RNF14: variants seen among roughly 807,000 people sequenced by gnomAD.
RNF14 encodes the protein E3 ubiquitin-protein ligase RNF14.
In RNF14, 26 loss-of-function variants were observed where a neutral mutation model predicts 52.6. The observed-to-expected ratio is 0.49, with a 90% CI of 0.36 to 0.69. The LOEUF (loss-of-function observed/expected upper bound fraction) is 0.69. RNF14 is among the 30% of genes least tolerant of loss of function. The pLI is 0.00. For missense variants in RNF14, 404 were observed against 560.4 expected (o/e 0.72, Z 2.82); for synonymous variants, 194 against 202.0 (o/e 0.96, Z 0.34).
intron 1 of RNF14, chr5:141,958,553 C>G (rs2126932559): frequency 6.6e-6 from 1 of 152,582 alleles, no homozygotes; most frequent in Middle Eastern, 3.4e-3. Flanking sequence ...CATTGTTCCC[C>G]TCTCATTCCT....
chr5:141,951,894 G>T, the RNF14 span, among the ~76,000 whole-genome samples: 1 of 152,196 alleles, frequency 6.6e-6, no homozygotes, highest in Non-Finnish European at 1.5e-5. Flanking sequence ...GAGAGATGGG[G>T]TGAAAAAGGC....
chr5:141,956,898 G>A (rs148884293), upstream of RNF14: 40 of 1,614,166 alleles, frequency 2.5e-5, no homozygotes, highest in Admixed American at 3.3e-5. Flanking sequence ...CATCCACCTC[G>A]TAGGCAGGGT....
In RNF14 at chr5:141,978,629, A is replaced by G. The variant is rs1274747263; in HGVS notation, c.633A>G (p.Lys211=). 6.2e-7 allele frequency: 1 copy of G among 1,614,018 alleles called. No homozygotes were observed. The highest frequency in any genetic ancestry group is 1.7e-5 in the Admixed American group (1 of 60,022). Residue 211 remains lysine, a synonymous_variant, in exon 5 of 9, where the codon AAA becomes AAG. Transcript: ENST00000394520. ...ACTTTGATCAAGCTCAGCAGATAAA[A>G]TGCTTTAATAGTAAATTGTTCCTGT... ...ILDFDQAQQI[K]CFNSKLFLCS...
chr5:141,979,887 C>A (rs1383051658), intron 5 of RNF14, among the ~76,000 whole-genome samples: 1 of 152,176 alleles, frequency 6.6e-6, no homozygotes, highest in Non-Finnish European at 1.5e-5. Context: ...AAGACCCCAT[C>A]TCTAAAGAAA....
chr5:141,971,569 TTCTTTCTTTC>T (rs1561544484), intron 2 of RNF14, among the ~76,000 whole-genome samples: 2 of 4,158 alleles, frequency 4.8e-4, no homozygotes, highest in Admixed American at 2.0e-3. Flanking sequence ...TTCTTTTTCT[TTCTTTCTTTC>T]TTTCTTTCTT....
upstream of RNF14, chr5:141,955,556 G>A: frequency 6.2e-7 from 1 of 1,614,188 alleles, no homozygotes; most frequent in South Asian, 1.1e-5. This position sits in a 1 kb window ranked among gnomAD's most constrained non-coding sequence, Gnocchi z 5.5. Flanking sequence ...TGTTTCTGGG[G>A]CCTCTTGGGC....
chr5:141,987,714 C>A lies in RNF14; in HGVS notation c.1368-19C>A. 6.2e-7 allele frequency: 1 copy of A among 1,612,750 alleles called. No individual in the cohort carries two copies. Among genetic ancestry groups the A allele is most frequent in the Non-Finnish European group, 8.5e-7 (1 of 1,178,830 alleles). On this transcript the variant is annotated intron_variant, in intron 8 of 8. Transcript: ENST00000394520. ...TTTCGTTCAAGTGTATAAAAATGTA[C>A]CTTTTTTAATGCTTCCAGGCTGTTT...
At chr5:141,975,027 T>A in intron 4 of RNF14, 72 bp downstream of exon 4, 7 of 1,492,342 alleles carry the variant, frequency 4.7e-6, no homozygotes, top group Non-Finnish European at 6.4e-6. Flanking sequence ...GAAGACTATC[T>A]TAAAGATCTT....
chr5:141,957,826 AGCAGAAGTT>A (rs750356729), upstream of RNF14: 7 of 1,600,444 alleles, frequency 4.4e-6, no homozygotes, highest in Non-Finnish European at 5.1e-6. The surrounding 1 kb of genome is among the most constrained non-coding windows in gnomAD (Gnocchi z 4.3). Context: ...CAAAAGCCCC[AGCAGAAGTT>A]GCAGAAGTTG....
At chr5:141,972,887 G>A (rs1286067169) in intron 2 of RNF14, among the ~76,000 whole-genome samples, 1 of 152,178 alleles carries the variant, frequency 6.6e-6, no homozygotes, top group African/African-American at 2.4e-5. Flanking sequence ...CACCGCGCCT[G>A]GCAAATTAAC....
At chr5:141,976,364 C>T (rs1364652762) in intron 4 of RNF14, among the ~76,000 whole-genome samples, 1 of 152,184 alleles carries the variant, frequency 6.6e-6, no homozygotes, top group Non-Finnish European at 1.5e-5. Flanking sequence ...TAACTGGATG[C>T]GTGGTTGTGG....
chr5:141,963,775 G>A (rs775716799), upstream of RNF14, among the ~76,000 whole-genome samples: 2 of 151,806 alleles, frequency 1.3e-5, no homozygotes, highest in Admixed American at 6.6e-5. Flanking sequence ...GAATCTAATC[G>A]GCCTAATTCT....
intron 7 of RNF14, among the ~76,000 whole-genome samples, chr5:141,984,509 TTTAATA>T (rs1277798988): frequency 6.6e-6 from 1 of 152,206 alleles, no homozygotes; most frequent in Non-Finnish European, 1.5e-5. Flanking sequence ...ATCCAAACAT[TTTAATA>T]TTAATCTAAC....
At chr5:141,974,682 C>A in intron 3 of RNF14, 122 bp from the exon 4 acceptor site, 5 of 899,502 alleles carry the variant, frequency 5.6e-6, no homozygotes, top group Non-Finnish European at 6.7e-6. Context: ...ATAGAAAGTG[C>A]TTTGGGGGAG....
chr5:141,987,865 G>A lies in RNF14; in HGVS notation c.*75G>A. On this transcript the variant is annotated 3_prime_UTR_variant, in exon 9 of 9. Coordinates refer to ENST00000394520, the MANE Select transcript of RNF14 (RefSeq NM_004290.5). ...GTCAAGTACACAAAGTAACTTTGCG[G>A]GATATTTAGGGTACTATTCATTCAC... 1 of 1,337,738 alleles carries A rather than the reference G, an allele frequency of 7.5e-7. No homozygotes were observed. The highest frequency in any genetic ancestry group is 1.1e-6 in the Non-Finnish European group (1 of 930,278). 82.9% of individuals were successfully genotyped at this position (1,337,738 alleles called of 1,614,324 possible).
intron 6 of RNF14, chr5:141,981,753 T>A (rs1754800125): frequency 6.6e-6 from 1 of 151,570 alleles, no homozygotes; most frequent in Non-Finnish European, 1.5e-5. Context: ...CTCAGGTTGC[T>A]GAGGCGGGAG....
intron 6 of RNF14, among the ~76,000 whole-genome samples, chr5:141,980,809 A>G (rs1754700610): frequency 6.6e-6 from 1 of 152,170 alleles, no homozygotes; most frequent in Non-Finnish European, 1.5e-5. Context: ...ATATACAAAC[A>G]TGGAATAATG....
In RNF14 at chr5:141,974,709, A is replaced by G. The variant is rs916885271; in HGVS notation, c.155-95A>G. 8 of 1,201,452 alleles carry G rather than the reference A, an allele frequency of 6.7e-6. No homozygotes were observed. In the African/African-American group the frequency reaches 7.9e-5, roughly 12 times the overall value. The allele number at this position is 1,201,452 out of a possible 1,614,324, so 74.4% of individuals were successfully genotyped here. On this transcript the variant is annotated intron_variant, in intron 3 of 8. Coordinates refer to ENST00000394520, the MANE Select transcript of RNF14 (RefSeq NM_004290.5). The stretch of plus-strand genomic sequence containing the variant: ...TTGGGGGAGGGTTTTTATTCCCTCA[A>G]CTAAAGCATTAAGTCTTTCTTGAGC...
At chr5:141,985,068 T>G in intron 8 of RNF14, 135 bp downstream of exon 8, 1 of 816,602 alleles carries the variant, frequency 1.2e-6, no homozygotes, top group Non-Finnish European at 1.9e-6. Context: ...TATAAAGGAA[T>G]TTTCATATTA....
Sources: allele counts gnomAD v4.1 joint callset (sites outside exome capture counted in the v4.1 genomes callset), GRCh38; gene constraint gnomAD v4.1.1; non-coding constraint Gnocchi (gnomAD v3.1); transcripts MANE v1.5; gene names NCBI Gene and HGNC (gene_info 2026-07-23, HGNC 2026-07-21).